Variants in TSC22D1 observed in about 807,000 individuals in gnomAD.
The protein encoded by TSC22D1 is TSC22 domain family member 1, also known as TSC22 domain family protein 1.
TSC22D1 carries 9 observed loss-of-function variants against 74.2 expected under a neutral mutation model. The ratio of observed to expected loss-of-function variants is 0.12; its 90% CI spans 0.07 to 0.21. The LOEUF is 0.21. Ranked by LOEUF, TSC22D1 falls within the 10% of genes least tolerant of loss-of-function variation. TSC22D1 has a pLI of 1.00. For synonymous variants in TSC22D1, 586 were observed against 492.5 expected, an observed-to-expected ratio of 1.19 and a Z score of -2.51; for missense variants, 1,427 against 1,304.7, an observed-to-expected ratio of 1.09 and a Z score of -1.44.
intron 1 of TSC22D1, among the ~76,000 whole-genome samples, chr13:44,515,941 T>C (rs1419073502): frequency 6.6e-6 from 1 of 152,162 alleles, no homozygotes; most frequent in Non-Finnish European, 1.5e-5. Flanking sequence ...AAATAAGCAG[T>C]AGAACTTCAC....
At position 44,435,831 on chromosome 13, in the gene TSC22D1, G is replaced by A. The variant is rs150556599; in HGVS notation, c.2964+213C>T. 776 of 599,116 alleles carry A rather than the reference G, an allele frequency of 1.3e-3. 5 individuals are homozygous for A. In the East Asian group the frequency reaches 0.02, roughly 16 times the overall value. 37.1% of individuals were successfully genotyped at this position (599,116 alleles called of 1,614,324 possible). A position where few individuals can be genotyped will look rare whatever the true frequency, so the allele number is the denominator to read the frequency against. On this transcript the variant is annotated intron_variant, in intron 2 of 2. Transcript: ENST00000458659. ...CGTCGTGTGAAACCAGTCCGGGGAA[G>A]AAGACCATTTAATACCCGCAGGGCC...
chr13:44,436,320 TG>T, intron 1 of TSC22D1: 1 of 943,826 alleles, frequency 1.1e-6, no homozygotes, highest in Non-Finnish European at 1.6e-6. Flanking sequence ...TTACATAATG[TG>T]GGGAAAGCCT....
intron 1 of TSC22D1, among the ~76,000 whole-genome samples, chr13:44,442,630 A>G (rs1220213664): frequency 2.0e-5 from 3 of 152,204 alleles, no homozygotes; most frequent in Admixed American, 1.3e-4. Flanking sequence ...TAAAAAGAAC[A>G]AATCGGCCAG....
At chr13:44,478,811 A>G (rs971040745) in intron 1 of TSC22D1, among the ~76,000 whole-genome samples, 2 of 152,162 alleles carry the variant, frequency 1.3e-5, no homozygotes, top group Non-Finnish European at 2.9e-5. Context: ...AAACAGCACT[A>G]GGTAGGGATT....
chr13:44,440,131 T>C (rs1470284022), intron 1 of TSC22D1, among the ~76,000 whole-genome samples: 3 of 152,220 alleles, frequency 2.0e-5, no homozygotes, highest in African/African-American at 7.2e-5. Flanking sequence ...TAAATGTGAA[T>C]GGCAGAAAAA....
At chr13:44,514,390 G>GC (rs143481627) in intron 1 of TSC22D1, among the ~76,000 whole-genome samples, 13,567 of 151,426 alleles carry the variant, frequency 0.09, 798 homozygotes, top group Non-Finnish European at 0.13. Flanking sequence ...ACCTATGCAT[G>GC]CCCCCCACAT....
chr13:44,452,973 GT>G (rs1876269896), intron 1 of TSC22D1: 1 of 152,292 alleles, frequency 6.6e-6, no homozygotes, highest in African/African-American at 2.4e-5. Flanking sequence ...TAACAGGTTG[GT>G]TTTTCCTCCC....
chr13:44,563,766 G>A (rs1009748684), intron 1 of TSC22D1, among the ~76,000 whole-genome samples: 1 of 152,106 alleles, frequency 6.6e-6, no homozygotes, highest in Non-Finnish European at 1.5e-5. Flanking sequence ...CCAAGTTCCA[G>A]GTACAGTCTA....
intron 1 of TSC22D1, among the ~76,000 whole-genome samples, chr13:44,552,830 T>C (rs1222235154): frequency 1.3e-5 from 2 of 151,822 alleles, no homozygotes; most frequent in Non-Finnish European, 2.9e-5. Context: ...CTACTAAAAA[T>C]GCAAAAAATT....
At chr13:44,496,942 C>A (rs1189494745) in intron 1 of TSC22D1, among the ~76,000 whole-genome samples, 1 of 152,044 alleles carries the variant, frequency 6.6e-6, no homozygotes, top group East Asian at 1.9e-4. Flanking sequence ...TGAGAAGAAA[C>A]TGGATCCCTC....
intron 1 of TSC22D1, among the ~76,000 whole-genome samples, chr13:44,503,586 G>T (rs1429156833): frequency 6.6e-6 from 1 of 152,064 alleles, no homozygotes; most frequent in East Asian, 1.9e-4. Flanking sequence ...GTTGGGGCTG[G>T]GGGGAAAAGA....
chr13:44,478,770 G>C (rs918158688), intron 1 of TSC22D1, among the ~76,000 whole-genome samples: 2 of 152,106 alleles, frequency 1.3e-5, no homozygotes, highest in African/African-American at 2.4e-5. Flanking sequence ...CAGCAAGAGA[G>C]CCCAGTATGC....
intron 1 of TSC22D1, among the ~76,000 whole-genome samples, chr13:44,509,950 C>CAAA: frequency 1.4e-4 from 7 of 51,406 alleles, no homozygotes; most frequent in African/African-American, 2.3e-4. Flanking sequence ...AGAAAATAAG[C>CAAA]AAAAAAAAAA....
chr13:44,459,399 G>C (rs1251209040), intron 1 of TSC22D1, among the ~76,000 whole-genome samples: 1 of 152,140 alleles, frequency 6.6e-6, no homozygotes, highest in Non-Finnish European at 1.5e-5. Flanking sequence ...TTATTGGCAC[G>C]ACCTGCCTGC....
chr13:44,445,975 T>C (rs941018068), intron 1 of TSC22D1, among the ~76,000 whole-genome samples: 1 of 152,178 alleles, frequency 6.6e-6, no homozygotes, highest in Non-Finnish European at 1.5e-5. Flanking sequence ...TTTGCAGTTA[T>C]TTATAAAGTT....
At chr13:44,492,778 GT>G (rs913829998) in intron 1 of TSC22D1, among the ~76,000 whole-genome samples, 1 of 151,634 alleles carries the variant, frequency 6.6e-6, no homozygotes, top group South Asian at 2.1e-4. Flanking sequence ...ATTCACAGGG[GT>G]TTTTTTTCCT....
chr13:44,456,317 GCTGATTGGTCCATTTTACAGAGCA>G (rs975441343), intron 1 of TSC22D1, among the ~76,000 whole-genome samples: 9 of 152,186 alleles, frequency 5.9e-5, no homozygotes, highest in South Asian at 2.1e-4. Flanking sequence ...CCCACATCCT[GCTGATTGGTCCATTTTACAGAGCA>G]CTGATTGGTC....
intron 1 of TSC22D1, chr13:44,537,238 CATAAA>C: frequency 3.3e-6 from 3 of 918,882 alleles, no homozygotes; most frequent in Non-Finnish European, 3.9e-6. Flanking sequence ...CATTTTGTGA[CATAAA>C]ATATAAAAAA....
chr13:44,481,020 G>A (rs1334784368), intron 1 of TSC22D1, among the ~76,000 whole-genome samples: 2 of 152,128 alleles, frequency 1.3e-5, no homozygotes. Flanking sequence ...AGAACCTAGG[G>A]AAACACCAAC....
Sources: allele counts gnomAD v4.1 joint callset (sites outside exome capture counted in the v4.1 genomes callset), GRCh38; gene constraint gnomAD v4.1.1; transcripts MANE v1.5; gene names NCBI Gene and HGNC (gene_info 2026-07-23, HGNC 2026-07-21).